Variants in PTPRE observed in about 807,000 individuals in gnomAD.
PTPRE encodes receptor-type tyrosine-protein phosphatase epsilon.
PTPRE carries 51 observed loss-of-function variants against 102.0 expected under a neutral mutation model. The ratio of observed to expected loss-of-function variants is 0.50; its 90% CI spans 0.40 to 0.63. The LOEUF (loss-of-function observed/expected upper bound fraction) is 0.63, where lower values mean the gene tolerates loss of function less well. Among genes scored for constraint, PTPRE ranks in the 30% least tolerant of loss-of-function variants. The pLI, the probability that PTPRE is intolerant of heterozygous loss-of-function variation, is 0.00. For missense variants in PTPRE, 752 were observed against 915.1 expected (o/e 0.82, Z 2.30); for synonymous variants, 345 against 348.2 (o/e 0.99, Z 0.10).
chr10:128,014,047 G>A (rs1346051891), intron 2 of PTPRE, among the ~76,000 whole-genome samples: 1 of 152,116 alleles, frequency 6.6e-6, no homozygotes, highest in African/African-American at 2.4e-5. Context: ...AGGCCAAATT[G>A]CCTGTCCTCT....
chr10:127,991,471 A>T (rs1479409464), intron 2 of PTPRE, among the ~76,000 whole-genome samples: 1 of 152,218 alleles, frequency 6.6e-6, no homozygotes, highest in East Asian at 1.9e-4. Context: ...ATATCACTTA[A>T]GAGAGGGTGT....
At chr10:127,908,897 T>C (rs1403426146) in intron 1 of PTPRE, among the ~76,000 whole-genome samples, 1 of 152,240 alleles carries the variant, frequency 6.6e-6, no homozygotes, top group Admixed American at 6.5e-5. Context: ...TCACTGGATG[T>C]GTCCAGATGG....
intron 3 of PTPRE, among the ~76,000 whole-genome samples, chr10:128,047,173 C>T (rs1347013973): frequency 6.6e-6 from 1 of 152,220 alleles, no homozygotes; most frequent in East Asian, 1.9e-4. Flanking sequence ...GACAAGTCAC[C>T]TCACCCACTC....
chr10:128,060,899 T>C, intron 7 of PTPRE, 40 bp from the exon 8 acceptor site: 1 of 1,579,372 alleles, frequency 6.3e-7, no homozygotes, highest in Non-Finnish European at 8.7e-7. Flanking sequence ...CTGTGATTCC[T>C]GGTCCTAATA....
chr10:128,068,351 A>G (rs902030890), intron 12 of PTPRE, 65 bp downstream of exon 12: 1 of 1,525,358 alleles, frequency 6.6e-7, no homozygotes, highest in African/African-American at 1.4e-5. Flanking sequence ...ACTCATCCTC[A>G]TGGGCAATGC....
intron 2 of PTPRE, among the ~76,000 whole-genome samples, chr10:128,010,571 C>CTTTTCTTTTTCTTTTCTTTTCTTTTCTT: frequency 6.8e-6 from 1 of 146,696 alleles, no homozygotes; most frequent in African/African-American, 2.7e-5. Flanking sequence ...CTTTTCTTTT[C>CTTTTCTTTTTCTTTTCTTTTCTTTTCTT]TTTTCTTTTC....
At chr10:127,945,894 G>A (rs919076023) in intron 1 of PTPRE, among the ~76,000 whole-genome samples, 1 of 152,118 alleles carries the variant, frequency 6.6e-6, no homozygotes, top group African/African-American at 2.4e-5. Context: ...GCATATTGTA[G>A]CTCATGAAGA....
intron 3 of PTPRE, 152 bp from the exon 4 acceptor site, chr10:128,047,238 G>A (rs750957494): frequency 2.6e-6 from 3 of 1,174,112 alleles, no homozygotes; most frequent in South Asian, 1.6e-5. Flanking sequence ...TCGCTTCTCT[G>A]TTACCTCGTG....
chr10:128,037,798 T>C (rs1184951745), intron 2 of PTPRE, among the ~76,000 whole-genome samples: 1 of 152,074 alleles, frequency 6.6e-6, no homozygotes, highest in Non-Finnish European at 1.5e-5. Flanking sequence ...ATCCTTAAAA[T>C]TCTGCATTTT....
chr10:128,035,504 C>G (rs1377344228), intron 2 of PTPRE, among the ~76,000 whole-genome samples: 1 of 152,222 alleles, frequency 6.6e-6, no homozygotes, highest in Non-Finnish European at 1.5e-5. Flanking sequence ...GGGACCCATT[C>G]CAGGGGCTCT....
At chr10:128,058,994 G>A (rs1849263718) in intron 7 of PTPRE, among the ~76,000 whole-genome samples, 1 of 152,160 alleles carries the variant, frequency 6.6e-6, no homozygotes, top group Non-Finnish European at 1.5e-5. Flanking sequence ...GGCAAGCTAG[G>A]CCTCTTTTCT....
At chr10:127,989,946 G>A (rs894173932) in intron 2 of PTPRE, among the ~76,000 whole-genome samples, 3 of 152,118 alleles carry the variant, frequency 2.0e-5, no homozygotes, top group African/African-American at 4.8e-5. Flanking sequence ...AGGGTTTATC[G>A]GGTTTATCAG....
At chr10:128,077,931 A>G in intron 19 of PTPRE, 148 bp downstream of exon 19, 2 of 825,454 alleles carry the variant, frequency 2.4e-6, no homozygotes, top group Non-Finnish European at 1.8e-6. Context: ...ACACACATGC[A>G]CACACGACTT....
intron 1 of PTPRE, among the ~76,000 whole-genome samples, chr10:127,956,644 A>G (rs1849425011): frequency 6.6e-6 from 1 of 152,222 alleles, no homozygotes; most frequent in Admixed American, 6.5e-5. Flanking sequence ...ATAAGAAACC[A>G]CTAAACTATC....
intron 2 of PTPRE, among the ~76,000 whole-genome samples, chr10:128,013,868 G>T (rs1205502157): frequency 5.3e-5 from 8 of 152,208 alleles, no homozygotes; most frequent in Non-Finnish European, 1.5e-5. Context: ...AAGACAGTGT[G>T]TAGAGGGAGT....
At chr10:128,067,342 A>ACACGCACAGATGCACACATG (rs1850311151) in intron 11 of PTPRE, among the ~76,000 whole-genome samples, 2 of 151,036 alleles carry the variant, frequency 1.3e-5, no homozygotes, top group African/African-American at 4.9e-5. Context: ...ATACATCCAC[A>ACACGCACAGATGCACACATG]CACATTCACA....
intron 2 of PTPRE, among the ~76,000 whole-genome samples, chr10:128,001,933 T>C (rs1853951148): frequency 6.6e-6 from 1 of 152,190 alleles, no homozygotes; most frequent in Admixed American, 6.5e-5. Context: ...CCCTCATCAG[T>C]AAACCCCATG....
intron 1 of PTPRE, among the ~76,000 whole-genome samples, chr10:127,971,461 G>A (rs574570056): frequency 3.3e-5 from 5 of 152,300 alleles, no homozygotes; most frequent in Admixed American, 6.5e-5. Flanking sequence ...TGGAGGAGTC[G>A]GTGAGATGAA....
intron 1 of PTPRE, among the ~76,000 whole-genome samples, chr10:127,918,401 A>G (rs1202633697): frequency 6.6e-6 from 1 of 152,008 alleles, no homozygotes; most frequent in Non-Finnish European, 1.5e-5. Context: ...TACTAAAAAC[A>G]CACAAAAAAT....
Sources: gnomAD v4.1 joint callset for allele counts (sites outside exome capture counted in the v4.1 genomes callset) on GRCh38, gnomAD v4.1.1 for gene constraint, MANE v1.5 for transcripts, NCBI Gene and HGNC (gene_info 2026-07-23, HGNC 2026-07-21) for gene names.